TPST1: variants seen among roughly 807,000 people sequenced by gnomAD.
The protein encoded by TPST1 is tyrosylprotein sulfotransferase 1, also known as protein-tyrosine sulfotransferase 1.
In TPST1, 20 loss-of-function variants were observed where a neutral mutation model predicts 34.8. That is an observed-to-expected ratio of 0.57 (90% CI 0.40 to 0.84). The LOEUF is 0.84. Ranked by LOEUF, TPST1 falls within the 40% of genes least tolerant of loss-of-function variation. The probability of loss-of-function intolerance (pLI) is 0.00; values close to 1 mark genes in which losing one functional copy is unlikely to be tolerated. For missense variants in TPST1, 353 were observed against 455.5 expected (o/e 0.78, Z 2.05); for synonymous variants, 152 against 159.4 (o/e 0.95, Z 0.35).
intron 3 of TPST1, among the ~76,000 whole-genome samples, chr7:66,325,739 G>A (rs1319760950): frequency 1.3e-5 from 2 of 152,020 alleles, no homozygotes; most frequent in Non-Finnish European, 2.9e-5. Context: ...GGATTCAAAT[G>A]ATTCTCCTGC....
At chr7:66,206,417 A>G (rs1789132847) in intron 1 of TPST1, among the ~76,000 whole-genome samples, 1 of 152,144 alleles carries the variant, frequency 6.6e-6, no homozygotes, top group Admixed American at 6.6e-5. Flanking sequence ...TACTTTCCAG[A>G]TGATGGTAGC....
chr7:66,314,322 C>T (rs1354883395), intron 3 of TPST1, among the ~76,000 whole-genome samples: 1 of 152,124 alleles, frequency 6.6e-6, no homozygotes, highest in Non-Finnish European at 1.5e-5. Context: ...ATCGCTTAAG[C>T]CCAGGAACTC....
At chr7:66,351,889 A>C (rs1792486688) in intron 3 of TPST1, among the ~76,000 whole-genome samples, 1 of 152,168 alleles carries the variant, frequency 6.6e-6, no homozygotes, top group Admixed American at 6.5e-5. Context: ...AAATGTAATA[A>C]ATGGTATTTA....
At chr7:66,216,026 C>G (rs1192538723) in intron 1 of TPST1, among the ~76,000 whole-genome samples, 1 of 151,998 alleles carries the variant, frequency 6.6e-6, no homozygotes, top group East Asian at 1.9e-4. Flanking sequence ...CCGCCTTGGC[C>G]TCCCAAAGTG....
At chr7:66,257,083 A>G (rs1790396088) in intron 2 of TPST1, among the ~76,000 whole-genome samples, 2 of 152,072 alleles carry the variant, frequency 1.3e-5, no homozygotes, top group Admixed American at 6.5e-5. Context: ...AGTAGCTGGG[A>G]TTACAGTTGT....
At chr7:66,350,830 T>G (rs1379645978) in intron 3 of TPST1, among the ~76,000 whole-genome samples, 2 of 151,572 alleles carry the variant, frequency 1.3e-5, no homozygotes, top group Non-Finnish European at 2.9e-5. Context: ...TGTTCCCAAG[T>G]TTTTTTTTGC....
At chr7:66,233,595 C>A (rs1789843704) in intron 1 of TPST1, among the ~76,000 whole-genome samples, 1 of 152,158 alleles carries the variant, frequency 6.6e-6, no homozygotes, top group Non-Finnish European at 1.5e-5. Flanking sequence ...ACGATTGTAG[C>A]ATTTAGTTTT....
chr7:66,203,000 C>G (rs112322440), upstream of TPST1, among the ~76,000 whole-genome samples: 6 of 152,060 alleles, frequency 3.9e-5, no homozygotes, highest in Non-Finnish European at 8.8e-5. Flanking sequence ...CACTTGAACT[C>G]GGGAGGCGGA....
chr7:66,275,680 T>C (rs189401372), intron 2 of TPST1, among the ~76,000 whole-genome samples: 32 of 152,242 alleles, frequency 2.1e-4, no homozygotes, highest in East Asian at 9.6e-4. Flanking sequence ...GTCAAATTCA[T>C]AGAAGCAAGA....
In TPST1 at chr7:66,253,614, G is replaced by A. The variant is rs113624208; in HGVS notation, c.845+12344G>A. ...TCTCTCTCTCCTGACCTTGTGATCC[G>A]CCCACCCTGGCCTCCCAAAGTGCTG... is the stretch of plus-strand genomic sequence containing the variant. On this transcript the variant is annotated intron_variant, in intron 2 of 5. Coordinates refer to ENST00000304842, the MANE Select transcript of TPST1 (RefSeq NM_003596.4). 1.5e-3 allele frequency among the ~76,000 whole-genome samples: 230 copies of A among 151,452 alleles called. 1 individual carries two copies. Among genetic ancestry groups the A allele is most frequent in the Non-Finnish European group, 5.8e-4 (39 of 67,756 alleles).
intron 1 of TPST1, among the ~76,000 whole-genome samples, chr7:66,234,400 T>TACACACACACAGACACACACACAC (rs561856939): frequency 9.1e-5 from 13 of 142,852 alleles, no homozygotes; most frequent in African/African-American, 2.8e-4. Flanking sequence ...AAAGCATGGC[T>TACACACACACAGACACACACACAC]ACACACACAC....
At chr7:66,239,236 C>T (rs1047931067) in intron 1 of TPST1, among the ~76,000 whole-genome samples, 3 of 152,190 alleles carry the variant, frequency 2.0e-5, no homozygotes, top group Non-Finnish European at 4.4e-5. Flanking sequence ...CCATCTCGGT[C>T]TCCCAAAGAG....
chr7:66,246,685 C>T (rs2115566107), intron 2 of TPST1, among the ~76,000 whole-genome samples: 1 of 152,164 alleles, frequency 6.6e-6, no homozygotes, highest in African/African-American at 2.4e-5. Flanking sequence ...GAAGGCAGAC[C>T]AGGGCTGCTT....
intron 2 of TPST1, among the ~76,000 whole-genome samples, chr7:66,271,479 T>C (rs1790704496): frequency 6.6e-6 from 1 of 152,206 alleles, no homozygotes; most frequent in Admixed American, 6.5e-5. Flanking sequence ...GCCTGGCTTG[T>C]TTATTTTATA....
chr7:66,323,497 T>A (rs1347400913), intron 3 of TPST1, among the ~76,000 whole-genome samples: 1 of 152,248 alleles, frequency 6.6e-6, no homozygotes, highest in Admixed American at 6.5e-5. Flanking sequence ...TATTTTATTA[T>A]TATGTATTAC....
In TPST1 at chr7:66,332,370, C is replaced by T. The variant is rs370734760; in HGVS notation, c.1045-20135C>T. 1.3e-5 allele frequency among the ~76,000 whole-genome samples: 2 copies of T among 151,730 alleles called. No homozygotes were observed. Among genetic ancestry groups the T allele is most frequent in the South Asian group, 2.1e-4 (1 of 4,808 alleles). On this transcript the variant is annotated intron_variant, in intron 3 of 5. Transcript: ENST00000304842. The surrounding 1 kb of genome is among the most constrained non-coding windows in gnomAD (Gnocchi z 4.5). Reference sequence around the variant, plus strand: ...GCAACGTCCGTCTCCTGAGTTCAAGCGATTCTCCTGCCTCAGCCTCCCGAG... The same window carrying T: ...GCAACGTCCGTCTCCTGAGTTCAAGTGATTCTCCTGCCTCAGCCTCCCGAG...
rs759801323 is a variant in TPST1, at chr7:66,241,212, C to CGAGTGGTT, written c.787_788insGAGTGGTT (p.His263ArgfsTer12). On this transcript the variant is annotated frameshift_variant, in exon 2 of 6. Coordinates refer to ENST00000304842, the MANE Select transcript of TPST1 (RefSeq NM_003596.4). LOFTEE classifies it high-confidence loss of function. ...AAAGTTCCTCCAGATTCCATGGAAC[C>CGAGTGGTT]ACTCAGTATTGCACCATGAAGAGAT... 10 of 1,614,048 alleles carry CGAGTGGTT rather than the reference C, an allele frequency of 6.2e-6. No individual in the cohort carries two copies. The highest frequency in any genetic ancestry group is 8.5e-6 in the Non-Finnish European group (10 of 1,180,028).
At chr7:66,303,929 G>A (rs1791370117) in intron 3 of TPST1, among the ~76,000 whole-genome samples, 1 of 152,156 alleles carries the variant, frequency 6.6e-6, no homozygotes, top group Admixed American at 6.5e-5. Context: ...TTACGGCTCA[G>A]CTCACAAGGA....
rs768801048 is a variant in TPST1 at position 66,241,254 on chromosome 7, G to C, written c.829G>C (p.Gly277Arg). 1 of 1,608,180 alleles carries C rather than the reference G, an allele frequency of 6.2e-7. No homozygotes were observed. The highest frequency in any genetic ancestry group is 1.1e-5 in the South Asian group (1 of 89,984). The stretch of plus-strand genomic sequence containing the variant: ...TGAAGAGATGATTGGGAAAGCTGGG[G>C]GAGTGTCTCTGTCAAAGTGAGTAGA... ...HHEEMIGKAG[G>R]VSLSKVERST... The change falls in exon 2 of 6, where the codon GGA becomes CGA. Residue 277 changes from glycine (G) to arginine (R), a missense_variant. By Grantham distance (125) the Gly-to-Arg change is moderately radical. Coordinates refer to ENST00000304842, the MANE Select transcript of TPST1 (RefSeq NM_003596.4).
Sources: gnomAD v4.1 joint callset for allele counts (sites outside exome capture counted in the v4.1 genomes callset) on GRCh38, gnomAD v4.1.1 for gene constraint, Gnocchi (gnomAD v3.1) non-coding constraint, MANE v1.5 for transcripts, NCBI Gene and HGNC (gene_info 2026-07-23, HGNC 2026-07-21) for gene names.